Variants in NLRX1 observed in about 807,000 individuals in gnomAD.
The protein encoded by NLRX1 is NLR family member X1, also known as NOD-like receptor X1.
A neutral mutation model predicts 74.2 loss-of-function variants in NLRX1; 67 were observed. The ratio of observed to expected loss-of-function variants is 0.90; its 90% CI spans 0.74 to 1.11. NLRX1 has a LOEUF of 1.11. Ranked by LOEUF, NLRX1 falls within the 50% of genes least tolerant of loss-of-function variation. The probability of loss-of-function intolerance (pLI) is 0.00; values close to 1 mark genes in which losing one functional copy is unlikely to be tolerated. For missense variants in NLRX1, 1,191 were observed against 1,305.4 expected (o/e 0.91, Z 1.35); for synonymous variants, 506 against 559.1 (o/e 0.91, Z 1.34).
At chr11:119,170,465 G>A (rs1948513841) in intron 1 of NLRX1, among the ~76,000 whole-genome samples, 1 of 152,202 alleles carries the variant, frequency 6.6e-6, no homozygotes, top group Admixed American at 6.5e-5. Flanking sequence ...ATGACAAGAG[G>A]AGGGGAATGA....
Position 119,173,834 on chromosome 11 carries a change from C to G in NLRX1, c.585C>G (p.Ile195Met), listed in dbSNP as rs144115413. 1 of 1,613,642 alleles carries G rather than the reference C, an allele frequency of 6.2e-7. No individual in the cohort carries two copies. Among genetic ancestry groups the G allele is most frequent in the Non-Finnish European group, 8.5e-7 (1 of 1,180,030 alleles). Residue 195 changes from isoleucine (I) to methionine (M), a missense_variant, in exon 5 of 10, where the codon ATC becomes ATG. By Grantham distance (10) the Ile-to-Met change is conservative. Transcript: ENST00000409109. The surrounding 1 kb of genome is among the most constrained non-coding windows in gnomAD (Gnocchi z 4.0). ...GGCTGCCGGCCTTCGAGCTGCTCATCCCCTTCTCCTGTGAGGACCTGTCAT... is the reference window on the plus strand; with the variant it reads ...GGCTGCCGGCCTTCGAGCTGCTCATGCCCTTCTCCTGTGAGGACCTGTCAT... ...YGRLPAFELLIPFSCEDLSSL... is the reference protein window; with the variant it reads ...YGRLPAFELLMPFSCEDLSSL...
At chr11:119,175,526 G>T (rs1421027691) in intron 6 of NLRX1, among the ~76,000 whole-genome samples, 1 of 152,192 alleles carries the variant, frequency 6.6e-6, no homozygotes, top group African/African-American at 2.4e-5. Context: ...GGAACCTGGG[G>T]ACGTGGGGAC....
intron 1 of NLRX1, among the ~76,000 whole-genome samples, chr11:119,170,161 G>A (rs1948507183): frequency 6.6e-6 from 1 of 152,100 alleles, no homozygotes; most frequent in Admixed American, 6.5e-5. Flanking sequence ...GACAAACTCA[G>A]AAAAATAGCT....
chr11:119,172,319 G>A (rs755698473), intron 2 of NLRX1, 37 bp from the exon 3 acceptor site: 10 of 1,509,552 alleles, frequency 6.6e-6, no homozygotes, highest in Non-Finnish European at 9.2e-6. Context: ...TGTATTGCAT[G>A]GGATCTGCAG....
chr11:119,171,139 AAAG>A (rs1451439740), intron 1 of NLRX1, among the ~76,000 whole-genome samples: 2 of 152,218 alleles, frequency 1.3e-5, no homozygotes, highest in Non-Finnish European at 2.9e-5. Context: ...AAAAAAGAAA[AAAG>A]AAAAAAAAGG....
In NLRX1 at chr11:119,172,929, G is replaced by A. The variant is rs997531999; in HGVS notation, c.169G>A (p.Val57Ile). ...CTTTATACGCCACCACGGAAGCTCG[G>A]TAGATAGCGCTCCCCCACCCGGGAG... Reference protein sequence around the residue: ...RAFIRHHGSSVDSAPPPGRHG... With the variant: ...RAFIRHHGSSIDSAPPPGRHG... Residue 57 changes from valine (V) to isoleucine (I), a missense_variant, in exon 4 of 10, where the codon GTA (valine) becomes ATA (isoleucine). Transcript: ENST00000409109. 5 of 1,613,848 alleles carry A rather than the reference G, an allele frequency of 3.1e-6. No individual in the cohort carries two copies. The African/African-American group carries it at 6.7e-5, about 22-fold the overall frequency.
intron 6 of NLRX1, among the ~76,000 whole-genome samples, chr11:119,179,136 C>A (rs1948764364): frequency 6.6e-6 from 1 of 152,208 alleles, no homozygotes; most frequent in Admixed American, 6.5e-5. Flanking sequence ...GCAGTAGGAA[C>A]TGCATGTTGA....
At position 119,170,512 on chromosome 11, in the gene NLRX1, G is replaced by A. The variant is rs188537534; in HGVS notation, c.-48-844G>A. Among the ~76,000 whole-genome samples, 180 of 152,276 alleles carry A rather than the reference G, an allele frequency of 1.2e-3. 5 individuals are homozygous for A. The highest frequency in any genetic ancestry group is 0.012 in the Admixed American group (177 of 15,290). ...TTACATGGGAGAAGTTTGAAGCAGT[G>A]GCAGGTTGTCCATCTGGAGATGTCA... On this transcript the variant is annotated intron_variant, in intron 1 of 9. Coordinates refer to ENST00000409109, the MANE Select transcript of NLRX1 (RefSeq NM_001282144.2).
chr11:119,168,982 C>G lies in NLRX1; in HGVS notation c.-369C>G, dbSNP rs919605832. The G allele has an allele frequency of 6.6e-6, 1 of 152,248 alleles. No homozygotes were observed. Among genetic ancestry groups the G allele is most frequent in the South Asian group, 2.1e-4 (1 of 4,832 alleles). 9.4% of individuals were successfully genotyped at this position (152,248 alleles called of 1,614,324 possible). ...TCTGGGAGCTAGCGGGAGACGCCGG[C>G]GTCCGCCCAGCCGACCCCTCTGGGC... is the stretch of plus-strand genomic sequence containing the variant. On this transcript the variant is annotated 5_prime_UTR_variant, in exon 1 of 10. Coordinates refer to ENST00000409109, the MANE Select transcript of NLRX1 (RefSeq NM_001282144.2).
intron 9 of NLRX1, 140 bp downstream of exon 9, chr11:119,182,485 G>A: frequency 1.6e-6 from 2 of 1,273,144 alleles, no homozygotes; most frequent in Non-Finnish European, 1.1e-6. Context: ...ACTGATCCTT[G>A]TCAACCTAGC....
chr11:119,179,151 G>A (rs1443068051), intron 6 of NLRX1, among the ~76,000 whole-genome samples: 1 of 152,172 alleles, frequency 6.6e-6, no homozygotes, highest in Non-Finnish European at 1.5e-5. Context: ...TGTTGAAGAT[G>A]GTGATGTATT....
Position 119,175,189 on chromosome 11 carries a change from T to G in NLRX1, c.1586T>G (p.Val529Gly), listed in dbSNP as rs756198189. Residue 529 changes from valine (V) to glycine (G), a missense_variant, in exon 6 of 10, where the codon GTT (valine) becomes GGT (glycine). Physicochemically the swap from Val to Gly is moderately radical, Grantham distance 109. Coordinates refer to ENST00000409109, the MANE Select transcript of NLRX1 (RefSeq NM_001282144.2). ...GKEVAELVGR[V>G]GEDVSLVLGI... ...GAAGTGGCTGAGCTCGTGGGCCGTG[T>G]TGGGGAGGACGTCAGCCTGGTACTG... 6.2e-7 allele frequency: 1 copy of G among 1,614,198 alleles called. No homozygotes were observed. Among genetic ancestry groups the G allele is most frequent in the South Asian group, 1.1e-5 (1 of 91,084 alleles).
In NLRX1 at chr11:119,171,366, G is replaced by C; in HGVS notation, c.-38G>C. 6.2e-7 allele frequency: 1 copy of C among 1,611,062 alleles called. No individual in the cohort carries two copies. Among genetic ancestry groups the C allele is most frequent in the Non-Finnish European group, 8.5e-7 (1 of 1,178,958 alleles). ...CTATTCTTCTTGCAGGACAGAAGTC[G>C]GTCCTAGGCCCCCCAGGCTCTGACC... On this transcript the variant is annotated 5_prime_UTR_variant, in exon 2 of 10. Coordinates refer to ENST00000409109, the MANE Select transcript of NLRX1 (RefSeq NM_001282144.2).
Position 119,168,752 on chromosome 11 carries a change from G to C in NLRX1, c.-599G>C, listed in dbSNP as rs373058989. 1.3e-5 allele frequency: 2 copies of C among 152,344 alleles called. No homozygotes were observed. The highest frequency in any genetic ancestry group is 6.5e-5 in the Admixed American group (1 of 15,284). 9.4% of individuals were successfully genotyped at this position (152,344 alleles called of 1,614,324 possible). A position where few individuals can be genotyped will look rare whatever the true frequency, so the allele number is the denominator to read the frequency against. On this transcript the variant is annotated 5_prime_UTR_variant, in exon 1 of 10. Transcript: ENST00000409109. Reference sequence around the variant, plus strand: ...TGCCCGCGGGGATGGAGGCAGGGAGGGGGGACGATGGCGGGACGGGTGGCG... The same window carrying C: ...TGCCCGCGGGGATGGAGGCAGGGAGCGGGGACGATGGCGGGACGGGTGGCG...
chr11:119,176,997 A>G (rs1412660005), intron 6 of NLRX1, among the ~76,000 whole-genome samples: 1 of 152,216 alleles, frequency 6.6e-6, no homozygotes, highest in Non-Finnish European at 1.5e-5. Context: ...AGATAATACT[A>G]GAACTTATAT....
At position 119,172,419 on chromosome 11, in the gene NLRX1, C is replaced by A; in HGVS notation, c.134C>A (p.Pro45His). Reference protein sequence around the residue: ...WPLQGERPFGPPRAFIRHHGS... With the variant: ...WPLQGERPFGHPRAFIRHHGS... ...CTTCAAGGGGAGCGTCCCTTTGGGCCCCCTAGGTGAGGCCTGGGTGTCATA... is the reference window on the plus strand; with the variant it reads ...CTTCAAGGGGAGCGTCCCTTTGGGCACCCTAGGTGAGGCCTGGGTGTCATA... The change falls in exon 3 of 10, where the codon CCC (proline) becomes CAC (histidine). Residue 45 changes from proline (P) to histidine (H), a missense_variant. Physicochemically the swap from Pro to His is moderately conservative, Grantham distance 77. Coordinates refer to ENST00000409109, the MANE Select transcript of NLRX1 (RefSeq NM_001282144.2). 1 of 1,612,054 alleles carries A rather than the reference C, an allele frequency of 6.2e-7. No homozygotes were observed. The highest frequency in any genetic ancestry group is 2.2e-5 in the East Asian group (1 of 44,866).
rs1948604287 is a variant in NLRX1, at chr11:119,173,470, C to G, written c.230-9C>G. 1 of 1,608,790 alleles carries G rather than the reference C, an allele frequency of 6.2e-7. No individual in the cohort carries two copies. Among genetic ancestry groups the G allele is most frequent in the Non-Finnish European group, 8.5e-7 (1 of 1,177,596 alleles). On this transcript the variant is annotated splice_polypyrimidine_tract_variant and intron_variant, in intron 4 of 9. Coordinates refer to ENST00000409109, the MANE Select transcript of NLRX1 (RefSeq NM_001282144.2). This position sits in a 1 kb window ranked among gnomAD's most constrained non-coding sequence, Gnocchi z 4.0. Reference sequence around the variant, plus strand: ...TTCCCTGACACATTTCCCTTATCTTCCCACTCAGAAGCTATACAGCGGCAC... The same window carrying G: ...TTCCCTGACACATTTCCCTTATCTTGCCACTCAGAAGCTATACAGCGGCAC...
rs1223031173 is a variant in NLRX1, at chr11:119,173,839, TCTC to T, written c.593_595del (p.Ser198del). 2.5e-6 allele frequency: 4 copies of T among 1,613,384 alleles called. No individual in the cohort carries two copies. Among genetic ancestry groups the T allele is most frequent in the South Asian group, 2.2e-5 (2 of 91,094 alleles). On this transcript the variant is annotated inframe_deletion, in exon 5 of 10. Coordinates refer to ENST00000409109, the MANE Select transcript of NLRX1 (RefSeq NM_001282144.2). This position sits in a 1 kb window ranked among gnomAD's most constrained non-coding sequence, Gnocchi z 4.0. ...CCGGCCTTCGAGCTGCTCATCCCCT[TCTC>T]CTGTGAGGACCTGTCATCCCTGGGC...
intron 5 of NLRX1, 39 bp from the exon 6 acceptor site, chr11:119,174,414 A>G (rs1318309733): frequency 1.3e-6 from 2 of 1,583,512 alleles, no homozygotes; most frequent in Non-Finnish European, 8.6e-7. Context: ...TCAACAGGAC[A>G]CTAAGGTCTT....
Sources: gnomAD v4.1 joint callset for allele counts (sites outside exome capture counted in the v4.1 genomes callset) on GRCh38, gnomAD v4.1.1 for gene constraint, Gnocchi (gnomAD v3.1) non-coding constraint, MANE v1.5 for transcripts, NCBI Gene and HGNC (gene_info 2026-07-23, HGNC 2026-07-21) for gene names.